Variants in HCN3 observed in about 807,000 individuals in gnomAD.
The protein encoded by HCN3 is hyperpolarization activated cyclic nucleotide gated potassium channel 3.
Under a neutral mutation model 56.8 loss-of-function variants are expected in HCN3, and 36 were observed. The ratio of observed to expected loss-of-function variants is 0.63; its 90% CI spans 0.49 to 0.84. HCN3 has a LOEUF of 0.84. Among genes scored for constraint, HCN3 ranks in the 40% least tolerant of loss-of-function variants. The probability of loss-of-function intolerance (pLI) is 0.00; values close to 1 mark genes in which losing one functional copy is unlikely to be tolerated. For missense variants in HCN3, 930 were observed against 1,079.3 expected (o/e 0.86, Z 1.94); for synonymous variants, 425 against 439.7 (o/e 0.97, Z 0.42).
intron 2 of HCN3, among the ~76,000 whole-genome samples, chr1:155,283,095 C>T (rs934799089): frequency 6.6e-6 from 1 of 152,036 alleles, no homozygotes; most frequent in African/African-American, 2.4e-5. Context: ...AGCACAGCTG[C>T]CGGACACACT....
chr1:155,282,309 T>C lies in HCN3; in HGVS notation c.279-102T>C, dbSNP rs1361957390. ...GCTGTAAACAGTCATTCTGTTATTGTGTATCTTTGCCCATTCTTGGCCATG... is the reference window on the plus strand; with the variant it reads ...GCTGTAAACAGTCATTCTGTTATTGCGTATCTTTGCCCATTCTTGGCCATG... On this transcript the variant is annotated intron_variant, in intron 1 of 7. Coordinates refer to ENST00000368358, the MANE Select transcript of HCN3 (RefSeq NM_020897.3). The surrounding 1 kb of genome is among the most constrained non-coding windows in gnomAD (Gnocchi z 4.7). 5.6e-6 allele frequency: 6 copies of C among 1,078,910 alleles called. No homozygotes were observed. Among genetic ancestry groups the C allele is most frequent in the African/African-American group, 1.6e-5 (1 of 64,374 alleles). The allele number at this position is 1,078,910 out of a possible 1,614,324, so 66.8% of individuals were successfully genotyped here.
rs1674236312 is a variant in HCN3 at position 155,285,300 on chromosome 1, C to G, written c.1225C>G (p.Pro409Ala). The G allele has an allele frequency of 3.1e-6, 5 of 1,609,792 alleles. No homozygotes were observed. The highest frequency in any genetic ancestry group is 4.2e-6 in the Non-Finnish European group (5 of 1,177,888). Reference sequence around the variant, plus strand: ...AAGCATCCTGGGCGAGCTGAGCGAGCCGCTTCGCGAGGTGGGGCTGGGTTG... The same window carrying G: ...AAGCATCCTGGGCGAGCTGAGCGAGGCGCTTCGCGAGGTGGGGCTGGGTTG... ...EESILGELSE[P>A]LREEIINFTC... The change falls in exon 5 of 8, where the codon CCG becomes GCG. Residue 409 changes from proline to alanine, a missense_variant. Transcript: ENST00000368358. The surrounding 1 kb of genome is among the most constrained non-coding windows in gnomAD (Gnocchi z 4.5).
intron 6 of HCN3, 47 bp from the exon 7 acceptor site, chr1:155,287,126 T>G: frequency 6.2e-7 from 1 of 1,600,998 alleles, no homozygotes; most frequent in African/African-American, 1.3e-5. Flanking sequence ...CAAGAGGAGT[T>G]CTGGGGACAA....
At position 155,284,969 on chromosome 1, in the gene HCN3, A is replaced by G. The variant is rs1344655976; in HGVS notation, c.1090-196A>G. 1.3e-5 allele frequency among the ~76,000 whole-genome samples: 2 copies of G among 151,984 alleles called. No individual in the cohort carries two copies. The highest frequency in any genetic ancestry group is 6.6e-5 in the Admixed American group (1 of 15,260). ...CTGCTGTCCACGCCTGGGTTTTCCT[A>G]TGACTGTGCTCTGTGTCTTCCCGGT... On this transcript the variant is annotated intron_variant, in intron 4 of 7. Transcript: ENST00000368358. This position sits in a 1 kb window ranked among gnomAD's most constrained non-coding sequence, Gnocchi z 4.3.
chr1:155,284,840 T>C lies in HCN3; in HGVS notation c.1089+83T>C. 5 of 1,205,958 alleles carry C rather than the reference T, an allele frequency of 4.1e-6. No homozygotes were observed. The highest frequency in any genetic ancestry group is 4.7e-6 in the Non-Finnish European group (4 of 855,166). The allele number at this position is 1,205,958 out of a possible 1,614,324, so 74.7% of individuals were successfully genotyped here. ...CTGACTTGAGGCCCATTCTGATGTG[T>C]GCCCCTGTTGCGTCTCTGTTTCCTT... On this transcript the variant is annotated intron_variant, in intron 4 of 7. Coordinates refer to ENST00000368358, the MANE Select transcript of HCN3 (RefSeq NM_020897.3). This position sits in a 1 kb window ranked among gnomAD's most constrained non-coding sequence, Gnocchi z 4.3.
At chr1:155,280,705 TG>T (rs1557945183) in intron 1 of HCN3, among the ~76,000 whole-genome samples, 1 of 148,268 alleles carries the variant, frequency 6.7e-6, no homozygotes, top group Non-Finnish European at 1.5e-5. Flanking sequence ...CCCAAAGTGC[TG>T]GGATTACAGG....
In HCN3 at chr1:155,287,196, C is replaced by A. The variant is rs369007284; in HGVS notation, c.1501C>A (p.Arg501=). 14 of 1,613,558 alleles carry A rather than the reference C, an allele frequency of 8.7e-6. No homozygotes were observed. The highest frequency in any genetic ancestry group is 1.7e-5 in the Admixed American group (1 of 60,000). The change falls in exon 7 of 8, where the codon CGG becomes AGG. Residue 501 remains arginine, a synonymous_variant. Transcript: ENST00000368358. ...AGAGATCTGCCTGCTAACTAGGGGC[C>A]GGCGCACAGCCAGTGTTCGGGCTGA... The part of the protein sequence containing the change: ...FGEICLLTRG[R]RTASVRADTY...
chr1:155,285,111 GC>G lies in HCN3; in HGVS notation c.1090-50del. The stretch of plus-strand genomic sequence containing the variant: ...TCCGCACACACACCCCACTGTGCCG[GC>G]CCCAAATCTCTCCCTCTGTCCTCTT... On this transcript the variant is annotated intron_variant, in intron 4 of 7. Transcript: ENST00000368358. The surrounding 1 kb of genome is among the most constrained non-coding windows in gnomAD (Gnocchi z 4.5). 6.3e-7 allele frequency: 1 copy of G among 1,593,524 alleles called. No homozygotes were observed. Among genetic ancestry groups the G allele is most frequent in the Non-Finnish European group, 8.6e-7 (1 of 1,167,240 alleles).
In HCN3 at chr1:155,282,276, T is replaced by C; in HGVS notation, c.279-135T>C. 8 of 819,708 alleles carry C rather than the reference T, an allele frequency of 9.8e-6. No individual in the cohort carries two copies. Among genetic ancestry groups the C allele is most frequent in the Non-Finnish European group, 1.5e-5 (8 of 519,856 alleles). The allele number at this position is 819,708 out of a possible 1,614,324, so 50.8% of individuals were successfully genotyped here. A position where few individuals can be genotyped will look rare whatever the true frequency, so the allele number is the denominator to read the frequency against. ...CCCAAATGGTGGTCCCAACTTATAC[T>C]CCCAACAGCTGTAAACAGTCATTCT... On this transcript the variant is annotated intron_variant, in intron 1 of 7. Coordinates refer to ENST00000368358, the MANE Select transcript of HCN3 (RefSeq NM_020897.3). The surrounding 1 kb of genome is among the most constrained non-coding windows in gnomAD (Gnocchi z 4.7).
chr1:155,281,163 C>T (rs192758667), intron 1 of HCN3, among the ~76,000 whole-genome samples: 47 of 151,638 alleles, frequency 3.1e-4, no homozygotes, highest in Middle Eastern at 3.4e-3. Context: ...CTCCGCCTCC[C>T]GGGTTCAAGT....
At position 155,288,480 on chromosome 1, in the gene HCN3, C is replaced by T. The variant is rs1182933313; in HGVS notation, c.*17C>T. 6.4e-7 allele frequency: 1 copy of T among 1,568,796 alleles called. No individual in the cohort carries two copies. The highest frequency in any genetic ancestry group is 1.7e-4 in the Middle Eastern group (1 of 5,830). ...AACATGTAAAACCTTTGAGTACATC[C>T]AGCCTTAGTTCTTGGGGTGCAGTAG... On this transcript the variant is annotated 3_prime_UTR_variant, in exon 8 of 8. Coordinates refer to ENST00000368358, the MANE Select transcript of HCN3 (RefSeq NM_020897.3). The surrounding 1 kb of genome is among the most constrained non-coding windows in gnomAD (Gnocchi z 6.5).
Position 155,284,728 on chromosome 1 carries a change from G to T in HCN3, c.1060G>T (p.Asp354Tyr). ...GHATALIQSL[D>Y]SSRRQYQEKY... ...TGCCACGGCACTCATCCAGTCCCTG[G>T]ACTCTTCCCGGCGTCAGTACCAGGA... is the stretch of plus-strand genomic sequence containing the variant. The change falls in exon 4 of 8, where the codon GAC (aspartate) becomes TAC (tyrosine). Residue 354 changes from aspartate to tyrosine, a missense_variant. Physicochemically the swap from Asp to Tyr is radical, Grantham distance 160. Transcript: ENST00000368358. The surrounding 1 kb of genome is among the most constrained non-coding windows in gnomAD (Gnocchi z 4.3). 1.2e-6 allele frequency: 2 copies of T among 1,614,148 alleles called. No homozygotes were observed. The highest frequency in any genetic ancestry group is 1.7e-6 in the Non-Finnish European group (2 of 1,180,018).
Position 155,287,812 on chromosome 1 carries a change from C to G in HCN3, c.1674C>G (p.Arg558=). The change falls in exon 8 of 8, where the codon CGC becomes CGG. Residue 558 remains arginine (R), a synonymous_variant. Coordinates refer to ENST00000368358, the MANE Select transcript of HCN3 (RefSeq NM_020897.3). ...GKKNSILQRK[R]SEPSPGSSGG... is the part of the protein sequence containing the mutation. ...AGAATTCCATACTGCAGCGGAAGCGCTCCGAGCCAAGTCCAGGCAGCAGTG... is the reference window on the plus strand; with the variant it reads ...AGAATTCCATACTGCAGCGGAAGCGGTCCGAGCCAAGTCCAGGCAGCAGTG... 6.2e-7 allele frequency: 1 copy of G among 1,603,622 alleles called. No individual in the cohort carries two copies.
chr1:155,277,587 C>A lies in HCN3; in HGVS notation c.-4C>A. Reference sequence around the variant, plus strand: ...AGGCCGAGCGTGTAAGCGGGGTGGGCGCCATGGAGGCAGAGCAGCGGCCGG... The same window carrying A: ...AGGCCGAGCGTGTAAGCGGGGTGGGAGCCATGGAGGCAGAGCAGCGGCCGG... On this transcript the variant is annotated 5_prime_UTR_variant, in exon 1 of 8. Transcript: ENST00000368358. 3 of 1,559,002 alleles carry A rather than the reference C, an allele frequency of 1.9e-6. No homozygotes were observed. Among genetic ancestry groups the A allele is most frequent in the East Asian group, 2.3e-5 (1 of 42,786 alleles).
Position 155,288,250 on chromosome 1 carries a change from G to C in HCN3, c.2112G>C (p.Arg704=). 1 of 1,592,698 alleles carries C rather than the reference G, an allele frequency of 6.3e-7. No individual in the cohort carries two copies. Residue 704 remains arginine, a synonymous_variant, in exon 8 of 8, where the codon CGG becomes CGC. Coordinates refer to ENST00000368358, the MANE Select transcript of HCN3 (RefSeq NM_020897.3). This position sits in a 1 kb window ranked among gnomAD's most constrained non-coding sequence, Gnocchi z 6.5. ...LGPPPGGGGR[R]LGPRGRPLSA... ...CCCCTCCAGGAGGAGGTGGACGGCG[G>C]CTAGGACCTCGGGGCCGCCCACTCT...
In HCN3 at chr1:155,285,072, T is replaced by A; in HGVS notation, c.1090-93T>A. On this transcript the variant is annotated intron_variant, in intron 4 of 7. Coordinates refer to ENST00000368358, the MANE Select transcript of HCN3 (RefSeq NM_020897.3). The surrounding 1 kb of genome is among the most constrained non-coding windows in gnomAD (Gnocchi z 4.5). ...ACGTTTCACCCCTTTGAGTTTGACC[T>A]GTGTCTCTGACCTTCCGCACACACA... 6.9e-7 allele frequency: 1 copy of A among 1,452,618 alleles called. No homozygotes were observed. The allele number at this position is 1,452,618 out of a possible 1,614,324, so 90.0% of individuals were successfully genotyped here. A position where few individuals can be genotyped will look rare whatever the true frequency, so the allele number is the denominator to read the frequency against.
At chr1:155,287,143 G>A (rs1380329767) in intron 6 of HCN3, 30 bp from the exon 7 acceptor site, 1 of 1,607,462 alleles carries the variant, frequency 6.2e-7, no homozygotes, top group South Asian at 1.1e-5. Flanking sequence ...ACAAGGACGG[G>A]GTTCTGAAGC....
Position 155,284,555 on chromosome 1 carries a change from G to T in HCN3, c.887G>T (p.Arg296Leu). 4 of 1,612,282 alleles carry T rather than the reference G, an allele frequency of 2.5e-6. No individual in the cohort carries two copies. The highest frequency in any genetic ancestry group is 2.5e-6 in the Non-Finnish European group (3 of 1,179,676). Residue 296 changes from arginine to leucine, a missense_variant, in exon 4 of 8, where the codon CGC becomes CTC. Transcript: ENST00000368358. This position sits in a 1 kb window ranked among gnomAD's most constrained non-coding sequence, Gnocchi z 4.3. ...GCCCCTCAGAACCACTCGTGGGGCCGCCAGTATTCCCATGCCCTGTTCAAG... is the reference window on the plus strand; with the variant it reads ...GCCCCTCAGAACCACTCGTGGGGCCTCCAGTATTCCCATGCCCTGTTCAAG... ...INHMVNHSWG[R>L]QYSHALFKAM...
chr1:155,278,280 TCCCATCCCC>T, intron 1 of HCN3: 4 of 220,514 alleles, frequency 1.8e-5, no homozygotes, highest in South Asian at 1.5e-4. Flanking sequence ...CTCCGCCATC[TCCCATCCCC>T]ACACCCGCTC....
Sources: gnomAD v4.1 joint callset for allele counts (sites outside exome capture counted in the v4.1 genomes callset) on GRCh38, gnomAD v4.1.1 for gene constraint, Gnocchi (gnomAD v3.1) non-coding constraint, MANE v1.5 for transcripts, NCBI Gene and HGNC (gene_info 2026-07-23, HGNC 2026-07-21) for gene names.